Variants in SMYD3 observed in about 807,000 individuals in gnomAD.
SMYD3 encodes SET and MYND domain containing 3.
SMYD3 carries 36 observed loss-of-function variants against 57.7 expected under a neutral mutation model. The ratio of observed to expected loss-of-function variants is 0.62; its 90% CI spans 0.48 to 0.82. The LOEUF (loss-of-function observed/expected upper bound fraction) is 0.82. Among genes scored for constraint, SMYD3 ranks in the 40% least tolerant of loss-of-function variants. SMYD3 has a pLI of 0.00. For missense variants in SMYD3, 515 were observed against 538.8 expected (o/e 0.96, Z 0.44); for synonymous variants, 211 against 195.0 (o/e 1.08, Z -0.68).
intron 5 of SMYD3, among the ~76,000 whole-genome samples, chr1:246,194,378 C>T (rs1212796600): frequency 6.6e-6 from 1 of 151,966 alleles, no homozygotes; most frequent in Non-Finnish European, 1.5e-5. Flanking sequence ...AAGCGGTTCT[C>T]CTGCCTCAGC....
Position 245,853,382 on chromosome 1 carries a change from T to C in SMYD3, c.1076+5114A>G, listed in dbSNP as rs558131239. ...CTGAGCAACAAGGAGAGATGCGGGA[T>C]TGGGAGAGGCAGACCCAAAGCAAGC... is the stretch of plus-strand genomic sequence containing the variant. On this transcript the variant is annotated intron_variant, in intron 10 of 11. Transcript: ENST00000490107. 9.6e-4 allele frequency among the ~76,000 whole-genome samples: 146 copies of C among 152,104 alleles called. 1 individual carries two copies. The highest frequency in any genetic ancestry group is 3.3e-3 in the African/African-American group (138 of 41,498).
chr1:246,506,978 G>GCCCC, intron 1 of SMYD3, 76 bp downstream of exon 1: 3 of 1,174,516 alleles, frequency 2.6e-6, no homozygotes, highest in East Asian at 3.5e-5. Context: ...CGCGGCTGCC[G>GCCCC]GCCGCCCGAC....
At chr1:246,463,661 CAA>C (rs35482116) in intron 1 of SMYD3, among the ~76,000 whole-genome samples, 28,686 of 72,762 alleles carry the variant, frequency 0.39, 3,325 homozygotes, top group Middle Eastern at 0.61. Context: ...ACTAAAAATA[CAA>C]AAAAAAAAAA....
chr1:246,397,771 C>CT (rs1460714440), intron 1 of SMYD3, among the ~76,000 whole-genome samples: 8 of 151,960 alleles, frequency 5.3e-5, no homozygotes, highest in Admixed American at 4.6e-4. Flanking sequence ...GGGACCAGGG[C>CT]TTTTCAAGGA....
In SMYD3 at chr1:246,112,355, A is replaced by G. The variant is rs73141504; in HGVS notation, c.532-182418T>C. Among the ~76,000 whole-genome samples, 1,425 of 152,336 alleles carry G rather than the reference A, an allele frequency of 9.4e-3. 18 individuals are homozygous for G. The highest frequency in any genetic ancestry group is 0.032 in the African/African-American group (1,332 of 41,568). On this transcript the variant is annotated intron_variant, in intron 5 of 11. Coordinates refer to ENST00000490107, the MANE Select transcript of SMYD3 (RefSeq NM_001167740.2). ...TAATGAAAAAAATCAGTATCTGTCA[A>G]TTTTGGAAGAAATTTAAAAGTGGTA...
intron 5 of SMYD3, among the ~76,000 whole-genome samples, chr1:245,948,375 TGG>T (rs2147929641): frequency 6.6e-6 from 1 of 152,288 alleles, no homozygotes; most frequent in South Asian, 2.1e-4. Flanking sequence ...CCTCTTTGGC[TGG>T]GACCCTGAAG....
chr1:246,160,606 T>TC (rs1011649271), intron 5 of SMYD3, among the ~76,000 whole-genome samples: 34 of 152,172 alleles, frequency 2.2e-4, no homozygotes, highest in Admixed American at 8.5e-4. Context: ...TCCCGAGGAA[T>TC]CAGAGAATCA....
At chr1:246,028,894 T>C (rs566891330) in intron 5 of SMYD3, among the ~76,000 whole-genome samples, 21 of 151,962 alleles carry the variant, frequency 1.4e-4, no homozygotes, top group Non-Finnish European at 2.9e-4. Flanking sequence ...ACACAAACCA[T>C]TAGCATAGAA....
At position 246,269,856 on chromosome 1, in the gene SMYD3, T is replaced by A. The variant is rs1296696999; in HGVS notation, c.531+57345A>T. Among the ~76,000 whole-genome samples, 16 of 152,240 alleles carry A rather than the reference T, an allele frequency of 1.1e-4. No individual in the cohort carries two copies. In the East Asian group the frequency reaches 2.9e-3, roughly 28 times the overall value. On this transcript the variant is annotated intron_variant, in intron 5 of 11. Transcript: ENST00000490107. ...CCAAAGTGCTGGGATTCCGGGCGTG[T>A]ACCACCACACCCAGCGGTCAAGTAT...
rs370789661 is a variant in SMYD3, at chr1:246,199,764, A to C, written c.531+127437T>G. On this transcript the variant is annotated intron_variant, in intron 5 of 11. Coordinates refer to ENST00000490107, the MANE Select transcript of SMYD3 (RefSeq NM_001167740.2). ...TAAACAAAGTAAACACGGAGATGCT[A>C]TTCCTAGAAGAGAACAGCATAGATG... Among the ~76,000 whole-genome samples, 22 of 152,260 alleles carry C rather than the reference A, an allele frequency of 1.4e-4. 1 individual carries two copies. The East Asian group carries it at 1.7e-3, about 12-fold the overall frequency.
At chr1:246,130,700 G>C (rs72772571) in intron 5 of SMYD3, among the ~76,000 whole-genome samples, 1 of 152,104 alleles carries the variant, frequency 6.6e-6, no homozygotes, top group African/African-American at 2.4e-5. Context: ...AGACAGTTCT[G>C]ACCTTTTTGT....
At chr1:246,252,705 G>C (rs560567694) in intron 5 of SMYD3, among the ~76,000 whole-genome samples, 1 of 152,254 alleles carries the variant, frequency 6.6e-6, no homozygotes, top group East Asian at 1.9e-4. Flanking sequence ...ATGAGGCAGA[G>C]GCATCTTTTC....
At chr1:246,225,913 T>C (rs538920582) in intron 5 of SMYD3, among the ~76,000 whole-genome samples, 1 of 152,238 alleles carries the variant, frequency 6.6e-6, no homozygotes, top group Non-Finnish European at 1.5e-5. Context: ...ATACAAAAGA[T>C]GTAAGATGCT....
Position 246,340,811 on chromosome 1 carries a change from A to T in SMYD3, c.229-5337T>A, listed in dbSNP as rs559494843. On this transcript the variant is annotated intron_variant, in intron 2 of 11. Transcript: ENST00000490107. ...GGAAATCCCATCTCTATAAAAAAAA[A>T]TTTTTTTTAGTTAGCCAGACATGAT... Among the ~76,000 whole-genome samples the T allele has an allele frequency of 7.4e-4, 112 of 152,118 alleles. 1 individual carries two copies. The highest frequency in any genetic ancestry group is 5.0e-4 in the Non-Finnish European group (34 of 67,962).
Position 245,773,471 on chromosome 1 carries a change from G to A in SMYD3, c.1077-9322C>T, listed in dbSNP as rs979493101. Among the ~76,000 whole-genome samples, 23 of 152,214 alleles carry A rather than the reference G, an allele frequency of 1.5e-4. No homozygotes were observed. The East Asian group carries it at 1.9e-3, about 13-fold the overall frequency. ...AAAATTTCCTCACTCTCATGCCCGC[G>A]AGCAGCCTGGCTGGCAGCAGGGAAA... On this transcript the variant is annotated intron_variant, in intron 10 of 11. Coordinates refer to ENST00000490107, the MANE Select transcript of SMYD3 (RefSeq NM_001167740.2).
Position 245,808,667 on chromosome 1 carries a change from T to G in SMYD3, c.1077-44518A>C, listed in dbSNP as rs577954873. On this transcript the variant is annotated intron_variant, in intron 10 of 11. Transcript: ENST00000490107. ...GTTGTGCAGGTGTAGTTGTCTCCATTGAGGCTGCAGTGTGCCTCAGCCTCT... is the reference window on the plus strand; with the variant it reads ...GTTGTGCAGGTGTAGTTGTCTCCATGGAGGCTGCAGTGTGCCTCAGCCTCT... Among the ~76,000 whole-genome samples, 4 of 152,320 alleles carry G rather than the reference T, an allele frequency of 2.6e-5. No homozygotes were observed. In the East Asian group the frequency reaches 7.7e-4, roughly 29 times the overall value.
chr1:246,486,205 G>C (rs1380198940), intron 1 of SMYD3, among the ~76,000 whole-genome samples: 2 of 152,088 alleles, frequency 1.3e-5, no homozygotes, highest in Non-Finnish European at 2.9e-5. Flanking sequence ...GGAAAACTAA[G>C]GTTTAGCTAG....
intron 5 of SMYD3, among the ~76,000 whole-genome samples, chr1:246,298,588 C>T (rs1483826832): frequency 6.6e-6 from 1 of 152,028 alleles, no homozygotes; most frequent in African/African-American, 2.4e-5. Context: ...AGGTATACTT[C>T]CACCAGGTAA....
chr1:245,750,985 G>T (rs932397866), intron 11 of SMYD3, among the ~76,000 whole-genome samples: 1 of 152,190 alleles, frequency 6.6e-6, no homozygotes, highest in Non-Finnish European at 1.5e-5. Context: ...GGCCCCAGGA[G>T]ATTCCAACAT....
Sources: allele counts gnomAD v4.1 joint callset (sites outside exome capture counted in the v4.1 genomes callset), GRCh38; gene constraint gnomAD v4.1.1; transcripts MANE v1.5; gene names NCBI Gene and HGNC (gene_info 2026-07-23, HGNC 2026-07-21).